Variants in IGSF11 observed in about 807,000 individuals in gnomAD.
IGSF11 encodes the protein CXADR like 1.
Under a neutral mutation model 41.0 loss-of-function variants are expected in IGSF11, and 22 were observed. That is an observed-to-expected ratio of 0.54 (90% CI 0.38 to 0.77). IGSF11 has a LOEUF of 0.77. Ranked by LOEUF, IGSF11 falls within the 30% of genes least tolerant of loss-of-function variation. The pLI is 0.00. For synonymous variants in IGSF11, 219 were observed against 201.3 expected (o/e 1.09, Z -0.74); for missense variants, 444 against 530.8 (o/e 0.84, Z 1.61).
intron 1 of IGSF11, among the ~76,000 whole-genome samples, chr3:119,113,078 G>A (rs147358816): frequency 3.3e-5 from 5 of 152,292 alleles, no homozygotes; most frequent in Admixed American, 6.5e-5. Flanking sequence ...CAGCAAGAGA[G>A]AAGTCTGCCC....
chr3:118,993,055 G>A (rs1324720243), intron 1 of IGSF11, among the ~76,000 whole-genome samples: 1 of 152,094 alleles, frequency 6.6e-6, no homozygotes, highest in Non-Finnish European at 1.5e-5. Context: ...GCAAGACCCT[G>A]TCTCTACAAA....
intron 4 of IGSF11, among the ~76,000 whole-genome samples, chr3:118,909,215 A>G (rs1939972670): frequency 6.6e-6 from 1 of 152,142 alleles, no homozygotes; most frequent in Non-Finnish European, 1.5e-5. Context: ...TCATAATTAT[A>G]TATTTTCATA....
intron 4 of IGSF11, among the ~76,000 whole-genome samples, chr3:118,912,211 C>T (rs181703341): frequency 1.3e-5 from 2 of 152,256 alleles, no homozygotes; most frequent in African/African-American, 2.4e-5. Context: ...GGTTATTCTC[C>T]CCTTTAAGTC....
chr3:119,140,189 C>CA (rs1448164516), intron 1 of IGSF11, among the ~76,000 whole-genome samples: 1 of 151,852 alleles, frequency 6.6e-6, no homozygotes, highest in African/African-American at 2.4e-5. Context: ...ACCCTCCCCC[C>CA]AAAAAAACCA....
At chr3:119,097,756 G>C (rs1419691342) in intron 1 of IGSF11, among the ~76,000 whole-genome samples, 1 of 151,988 alleles carries the variant, frequency 6.6e-6, no homozygotes, top group Non-Finnish European at 1.5e-5. Context: ...CTTCGATGAT[G>C]CTGTTTATTT....
At chr3:119,129,702 C>T (rs1161602787) in intron 1 of IGSF11, among the ~76,000 whole-genome samples, 1 of 152,114 alleles carries the variant, frequency 6.6e-6, no homozygotes, top group Non-Finnish European at 1.5e-5. Context: ...AAATAAAAAG[C>T]AACCATGTAC....
At chr3:119,138,417 G>C (rs1021703630) in intron 1 of IGSF11, among the ~76,000 whole-genome samples, 1 of 152,186 alleles carries the variant, frequency 6.6e-6, no homozygotes, top group Admixed American at 6.5e-5. Flanking sequence ...AGATGCAGTG[G>C]TTCATGCCTG....
intron 1 of IGSF11, among the ~76,000 whole-genome samples, chr3:119,028,743 A>G (rs551436155): frequency 1.7e-3 from 256 of 152,266 alleles, no homozygotes; most frequent in Non-Finnish European, 2.5e-3. Flanking sequence ...CACCTGTTCC[A>G]CAAAATATTT....
chr3:119,046,988 C>T (rs1102584), intron 1 of IGSF11, among the ~76,000 whole-genome samples: 78,899 of 131,006 alleles, frequency 0.6, 24,932 homozygotes, highest in East Asian at 0.74. Flanking sequence ...AAAGAGCTCC[C>T]GAAGGAAGCG....
At chr3:118,932,609 A>G (rs1482905188) in intron 1 of IGSF11, among the ~76,000 whole-genome samples, 2 of 152,230 alleles carry the variant, frequency 1.3e-5, no homozygotes, top group Non-Finnish European at 2.9e-5. Flanking sequence ...ACAATTAGTG[A>G]CAGAAAGGGA....
intron 1 of IGSF11, among the ~76,000 whole-genome samples, chr3:118,979,472 T>A (rs150128165): frequency 9.2e-5 from 14 of 152,188 alleles, no homozygotes; most frequent in Non-Finnish European, 2.1e-4. Context: ...GAAAACTAGA[T>A]AATCATGCAA....
intron 1 of IGSF11, among the ~76,000 whole-genome samples, chr3:119,094,468 A>T (rs1391108201): frequency 6.6e-6 from 1 of 151,940 alleles, no homozygotes; most frequent in African/African-American, 2.4e-5. Context: ...TGACAGATGT[A>T]ACAACAGAAT....
chr3:119,028,914 T>G (rs909889322), intron 1 of IGSF11, among the ~76,000 whole-genome samples: 4 of 152,144 alleles, frequency 2.6e-5, no homozygotes, highest in Non-Finnish European at 5.9e-5. Flanking sequence ...TCCTGGTTTT[T>G]ATTTTGTATT....
intron 1 of IGSF11, among the ~76,000 whole-genome samples, chr3:118,970,852 A>AC (rs1933325348): frequency 6.6e-6 from 1 of 152,084 alleles, no homozygotes; most frequent in South Asian, 2.1e-4. Context: ...TAGTCTTTTC[A>AC]TTTGTAGAAA....
intron 1 of IGSF11, among the ~76,000 whole-genome samples, chr3:119,082,486 C>T (rs1404449267): frequency 6.6e-6 from 1 of 152,130 alleles, no homozygotes; most frequent in East Asian, 1.9e-4. Context: ...AGTATTCATA[C>T]AGAAAATAAT....
chr3:119,006,606 T>C (rs1937517552), intron 1 of IGSF11, among the ~76,000 whole-genome samples: 4 of 119,198 alleles, frequency 3.4e-5, no homozygotes, highest in South Asian at 3.4e-4. Flanking sequence ...TATCTACTTT[T>C]GGTCTTTGAT....
At chr3:119,116,649 A>C (rs536599106) in intron 1 of IGSF11, among the ~76,000 whole-genome samples, 6 of 152,356 alleles carry the variant, frequency 3.9e-5, no homozygotes, top group Admixed American at 3.9e-4. Flanking sequence ...TTGTAAAGCT[A>C]ATAGGAAGCC....
intron 1 of IGSF11, among the ~76,000 whole-genome samples, chr3:119,119,441 C>T (rs566777133): frequency 6.6e-6 from 1 of 152,210 alleles, no homozygotes; most frequent in Admixed American, 6.5e-5. Context: ...AAGACCTGTC[C>T]CCATGATTCA....
intron 1 of IGSF11, among the ~76,000 whole-genome samples, chr3:118,986,727 T>C (rs566986470): frequency 3.5e-4 from 54 of 152,292 alleles, no homozygotes; most frequent in African/African-American, 1.1e-3. Context: ...AAAGGATGGG[T>C]TCATATTGAA....
Sources: gnomAD v4.1 joint callset for allele counts (sites outside exome capture counted in the v4.1 genomes callset) on GRCh38, gnomAD v4.1.1 for gene constraint, MANE v1.5 for transcripts, NCBI Gene and HGNC (gene_info 2026-07-23, HGNC 2026-07-21) for gene names.